Variants in SDR42E1 observed in about 807,000 individuals in gnomAD.
The protein encoded by SDR42E1 is short-chain dehydrogenase/reductase family 42E member 1.
In SDR42E1, 5 loss-of-function variants were observed where a neutral mutation model predicts 2.6. That is an observed-to-expected ratio of 1.94 (90% CI 1.01 to 4.08). The LOEUF is 4.08. SDR42E1 is among the 30% of genes most tolerant of loss of function. The pLI is 0.00. For synonymous variants in SDR42E1, 231 were observed against 188.3 expected, an observed-to-expected ratio of 1.23 and a Z score of -1.86; for missense variants, 596 against 478.6, an observed-to-expected ratio of 1.25 and a Z score of -2.29.
intron 1 of SDR42E1, among the ~76,000 whole-genome samples, chr16:82,006,912 G>T (rs569312944): frequency 6.6e-6 from 1 of 152,344 alleles, no homozygotes; most frequent in African/African-American, 2.4e-5. Context: ...TTTATGCAGG[G>T]TTTTGAATAT....
At chr16:82,002,400 G>C (rs996983581) in intron 1 of SDR42E1, among the ~76,000 whole-genome samples, 1 of 152,134 alleles carries the variant, frequency 6.6e-6, no homozygotes, top group Non-Finnish European at 1.5e-5. Flanking sequence ...GAATGCTAAA[G>C]TTTCTAAAAA....
In SDR42E1 at chr16:82,005,699, C is replaced by CA. The variant is rs1912910606; in HGVS notation, c.-26-4816dup. Among the ~76,000 whole-genome samples, 3 of 152,258 alleles carry CA rather than the reference C, an allele frequency of 2.0e-5. No individual in the cohort carries two copies. In the South Asian group the frequency reaches 6.2e-4, roughly 32 times the overall value. ...GCACTCAGACCTGCCTTTATAATGG[C>CA]AAGTGCTTGAAGGTCCTTCCAAAAT... On this transcript the variant is annotated intron_variant, in intron 1 of 2. Transcript: ENST00000328945.
rs1455481354 is a variant in SDR42E1, at chr16:81,997,537, C to G, written c.*1574G>C. 6.6e-6 allele frequency: 1 copy of G among 152,190 alleles called. No individual in the cohort carries two copies. The highest frequency in any genetic ancestry group is 6.5e-5 in the Admixed American group (1 of 15,278). 9.4% of individuals were successfully genotyped at this position (152,190 alleles called of 1,614,324 possible). A position where few individuals can be genotyped will look rare whatever the true frequency, so the allele number is the denominator to read the frequency against. On this transcript the variant is annotated 3_prime_UTR_variant, in exon 3 of 3. Coordinates refer to ENST00000328945, the MANE Select transcript of SDR42E1 (RefSeq NM_145168.3). ...TGAGGATATTCAAGCAGTTCTAGAACAATACATGGCAGGTGCTCATATGCG... is the reference window on the plus strand; with the variant it reads ...TGAGGATATTCAAGCAGTTCTAGAAGAATACATGGCAGGTGCTCATATGCG...
At position 81,992,795 on chromosome 16, in the gene SDR42E1, T is replaced by G. The variant is rs1004127855; in HGVS notation, c.*6316A>C. The G allele has an allele frequency of 1.3e-5, 2 of 152,072 alleles. No individual in the cohort carries two copies. The highest frequency in any genetic ancestry group is 4.8e-5 in the African/African-American group (2 of 41,414). The allele number at this position is 152,072 out of a possible 1,614,324, so 9.4% of individuals were successfully genotyped here. A position where few individuals can be genotyped will look rare whatever the true frequency, so the allele number is the denominator to read the frequency against. ...TTGGCCTCGGTCATAATTACTTGAGTTCAATGAACTCAAGTAATTATGAAC... is the reference window on the plus strand; with the variant it reads ...TTGGCCTCGGTCATAATTACTTGAGGTCAATGAACTCAAGTAATTATGAAC... On this transcript the variant is annotated 3_prime_UTR_variant, in exon 3 of 3. Transcript: ENST00000328945.
In SDR42E1 at chr16:81,991,444, CGGT is replaced by C. The variant is rs1912426167; in HGVS notation, c.*7664_*7666del. 6.6e-6 allele frequency: 1 copy of C among 152,096 alleles called. No individual in the cohort carries two copies. The highest frequency in any genetic ancestry group is 2.1e-4 in the South Asian group (1 of 4,816). 9.4% of individuals were successfully genotyped at this position (152,096 alleles called of 1,614,324 possible). A position where few individuals can be genotyped will look rare whatever the true frequency, so the allele number is the denominator to read the frequency against. ...ACAAGGTAAGAGTTTGGGCCAGGCT[CGGT>C]GGCTCATACCTGTAATCCCAGCACT... On this transcript the variant is annotated 3_prime_UTR_variant, in exon 3 of 3. Coordinates refer to ENST00000328945, the MANE Select transcript of SDR42E1 (RefSeq NM_145168.3).
rs1490881387 is a variant in SDR42E1, at chr16:81,997,955, C to A, written c.*1156G>T. The A allele has an allele frequency of 6.6e-6, 1 of 152,250 alleles. No individual in the cohort carries two copies. The highest frequency in any genetic ancestry group is 1.5e-5 in the Non-Finnish European group (1 of 68,050). 9.4% of individuals were successfully genotyped at this position (152,250 alleles called of 1,614,324 possible). ...AGACTAACTCTAGCAGAACTTTCCA[C>A]AGTAATGTATCCCCCTTGTAATGTT... is the stretch of plus-strand genomic sequence containing the variant. On this transcript the variant is annotated 3_prime_UTR_variant, in exon 3 of 3. Coordinates refer to ENST00000328945, the MANE Select transcript of SDR42E1 (RefSeq NM_145168.3).
At position 81,991,640 on chromosome 16, in the gene SDR42E1, G is replaced by C. The variant is rs1445555631; in HGVS notation, c.*7471C>G. On this transcript the variant is annotated 3_prime_UTR_variant, in exon 3 of 3. Transcript: ENST00000328945. ...GTAGGACAATCATTTGAGCCCAGGA[G>C]TTCGAGCCAACAGTGAGCCATGACT... is the stretch of plus-strand genomic sequence containing the variant. 1 of 150,184 alleles carries C rather than the reference G, an allele frequency of 6.7e-6. No homozygotes were observed. Among genetic ancestry groups the C allele is most frequent in the Non-Finnish European group, 1.5e-5 (1 of 67,932 alleles). The allele number at this position is 150,184 out of a possible 1,614,324, so 9.3% of individuals were successfully genotyped here.
rs1264379303 is a variant in SDR42E1 at position 81,999,943 on chromosome 16, C to G, written c.350G>C (p.Arg117Thr). 6.2e-7 allele frequency: 1 copy of G among 1,614,204 alleles called. No individual in the cohort carries two copies. Among genetic ancestry groups the G allele is most frequent in the Non-Finnish European group, 8.5e-7 (1 of 1,180,032 alleles). Reference sequence around the variant, plus strand: ...ATTGAAAGTGCTGGTGTAAACTAACCTGGGCACCCTTCTCCTTTGGCAAAC... The same window carrying G: ...ATTGAAAGTGCTGGTGTAAACTAACGTGGGCACCCTTCTCCTTTGGCAAAC... ...LQVCQRRRVP[R>T]LVYTSTFNVI... The change falls in exon 3 of 3, where the codon AGG becomes ACG. Residue 117 changes from arginine to threonine, a missense_variant. Coordinates refer to ENST00000328945, the MANE Select transcript of SDR42E1 (RefSeq NM_145168.3).
At chr16:82,001,858 C>T (rs528834342) in intron 1 of SDR42E1, among the ~76,000 whole-genome samples, 19 of 149,230 alleles carry the variant, frequency 1.3e-4, no homozygotes, top group African/African-American at 5.0e-5. Context: ...GCGAAGATCG[C>T]GCCACTGCAC....
In SDR42E1 at chr16:82,000,860, T is replaced by C. The variant is rs201806362; in HGVS notation, c.-2A>G. Reference sequence around the variant, plus strand: ...CTTTTGAGATCTTTTGGGGTCCATATGTGGCAGTCAAAAGATAACTGGACC... The same window carrying C: ...CTTTTGAGATCTTTTGGGGTCCATACGTGGCAGTCAAAAGATAACTGGACC... On this transcript the variant is annotated 5_prime_UTR_variant, in exon 2 of 3. Coordinates refer to ENST00000328945, the MANE Select transcript of SDR42E1 (RefSeq NM_145168.3). The C allele has an allele frequency of 1.2e-6, 2 of 1,612,962 alleles. No homozygotes were observed. The highest frequency in any genetic ancestry group is 1.7e-6 in the Non-Finnish European group (2 of 1,179,510).
intron 1 of SDR42E1, among the ~76,000 whole-genome samples, chr16:82,001,096 T>C (rs1486887455): frequency 6.6e-6 from 1 of 152,228 alleles, no homozygotes; most frequent in African/African-American, 2.4e-5. Flanking sequence ...TAATACCTGC[T>C]CTGCCCACCT....
rs115892895 is a variant in SDR42E1, at chr16:82,008,916, G to C, written c.-27+2471C>G. Among the ~76,000 whole-genome samples the C allele has an allele frequency of 8.5e-3, 1,292 of 152,300 alleles. 6 individuals are homozygous for C. The highest frequency in any genetic ancestry group is 0.034 in the Middle Eastern group (10 of 294). Reference sequence around the variant, plus strand: ...AAAATGGTTTCCTGGGCTGGGTCCAGGGTCCCCCTGCTCTATGCAGCCTAG... The same window carrying C: ...AAAATGGTTTCCTGGGCTGGGTCCACGGTCCCCCTGCTCTATGCAGCCTAG... On this transcript the variant is annotated intron_variant, in intron 1 of 2. Coordinates refer to ENST00000328945, the MANE Select transcript of SDR42E1 (RefSeq NM_145168.3).
chr16:81,999,664 T>C lies in SDR42E1; in HGVS notation c.629A>G (p.Lys210Arg). The change falls in exon 3 of 3, where the codon AAG becomes AGG. Residue 210 changes from lysine to arginine, a missense_variant. Lys to Arg is a conservative substitution (Grantham distance 26). Coordinates refer to ENST00000328945, the MANE Select transcript of SDR42E1 (RefSeq NM_145168.3). ...GCTCCTGGGGTCCCCGTAGACAAAC[T>C]TGAACAGACCCTTCTCGATGTAGCT... ...IVSYIEKGLF[K>R]FVYGDPRSLV... The C allele has an allele frequency of 6.2e-7, 1 of 1,614,220 alleles. No individual in the cohort carries two copies. The highest frequency in any genetic ancestry group is 8.5e-7 in the Non-Finnish European group (1 of 1,180,042).
At position 82,000,128 on chromosome 16, in the gene SDR42E1, T is replaced by C; in HGVS notation, c.165A>G (p.Gln55=). The change falls in exon 3 of 3, where the codon CAA becomes CAG. Residue 55 remains glutamine (Q), a synonymous_variant. Transcript: ENST00000328945. The part of the protein sequence containing the change: ...QTIPEGIKFI[Q]GDIRHLSDVE... ...CGTCAGACAGGTGGCGGATGTCTCC[T>C]TGTATAAACTTGATTCCTTCTGGAA... 6.2e-7 allele frequency: 1 copy of C among 1,614,252 alleles called. No homozygotes were observed. Among genetic ancestry groups the C allele is most frequent in the Admixed American group, 1.7e-5 (1 of 60,034 alleles).
At chr16:82,004,240 A>T (rs776487543) in intron 1 of SDR42E1, among the ~76,000 whole-genome samples, 6 of 152,122 alleles carry the variant, frequency 3.9e-5, no homozygotes, top group Non-Finnish European at 7.3e-5. Flanking sequence ...GCACATCAGG[A>T]AGAGATCATG....
Position 82,004,063 on chromosome 16 carries a change from C to T in SDR42E1, c.-26-3179G>A, listed in dbSNP as rs185381637. On this transcript the variant is annotated intron_variant, in intron 1 of 2. Coordinates refer to ENST00000328945, the MANE Select transcript of SDR42E1 (RefSeq NM_145168.3). The stretch of plus-strand genomic sequence containing the variant: ...ATGAAATGAAAGATACAAACCCAAA[C>T]GAGACAGAGGTCCTGCTTTCCAGAG... Among the ~76,000 whole-genome samples the T allele has an allele frequency of 5.4e-4, 82 of 152,276 alleles. 1 individual carries two copies. In the East Asian group the frequency reaches 0.012, roughly 21 times the overall value.
intron 1 of SDR42E1, among the ~76,000 whole-genome samples, chr16:82,008,942 G>C (rs2143868259): frequency 6.6e-6 from 1 of 152,298 alleles, no homozygotes; most frequent in East Asian, 1.9e-4. Flanking sequence ...TGCAGCCTAG[G>C]GACTTGGTGC....
rs1175549783 is a variant in SDR42E1 at position 81,992,566 on chromosome 16, G to C, written c.*6545C>G. The stretch of plus-strand genomic sequence containing the variant: ...TTGGATCTGAAATATGGCTCCACTG[G>C]GAGGCTAGAGCAAAAGATATGTAGA... On this transcript the variant is annotated 3_prime_UTR_variant, in exon 3 of 3. Coordinates refer to ENST00000328945, the MANE Select transcript of SDR42E1 (RefSeq NM_145168.3). The C allele has an allele frequency of 1.3e-5, 2 of 152,030 alleles. No individual in the cohort carries two copies. The highest frequency in any genetic ancestry group is 2.9e-5 in the Non-Finnish European group (2 of 68,008). 9.4% of individuals were successfully genotyped at this position (152,030 alleles called of 1,614,324 possible).
intron 1 of SDR42E1, among the ~76,000 whole-genome samples, chr16:82,011,059 C>G (rs920487776): frequency 6.6e-6 from 1 of 152,162 alleles, no homozygotes; most frequent in African/African-American, 2.4e-5. Context: ...ATCGTTCTCC[C>G]AAAGTGTGCA....
Sources: allele counts gnomAD v4.1 joint callset (sites outside exome capture counted in the v4.1 genomes callset), GRCh38; gene constraint gnomAD v4.1.1; transcripts MANE v1.5; gene names NCBI Gene and HGNC (gene_info 2026-07-23, HGNC 2026-07-21).